AGBL1: variants seen among roughly 807,000 people sequenced by gnomAD.
The protein encoded by AGBL1 is cytosolic carboxypeptidase 4.
AGBL1 carries 130 observed loss-of-function variants against 118.9 expected under a neutral mutation model. The ratio of observed to expected loss-of-function variants is 1.09; its 90% CI spans 0.95 to 1.26. AGBL1 has a LOEUF of 1.26. Among genes scored for constraint, AGBL1 ranks in the 50% most tolerant of loss-of-function variants. The pLI is 0.00. For synonymous variants in AGBL1, 555 were observed against 478.9 expected (o/e 1.16, Z -2.08); for missense variants, 1,584 against 1,298.1 (o/e 1.22, Z -3.38).
At chr15:86,972,793 G>A (rs2081123320) in intron 23 of AGBL1, among the ~76,000 whole-genome samples, 1 of 151,904 alleles carries the variant, frequency 6.6e-6, no homozygotes, top group African/African-American at 2.4e-5. Context: ...CTAATCTATT[G>A]CAAGTCTGAT....
At chr15:86,646,204 T>C (rs964322327) in intron 21 of AGBL1, among the ~76,000 whole-genome samples, 27 of 152,332 alleles carry the variant, frequency 1.8e-4, no homozygotes, top group African/African-American at 5.5e-4. Context: ...AAGGGAATTA[T>C]CATGGTGTCA....
intron 3 of AGBL1, among the ~76,000 whole-genome samples, chr15:86,148,816 A>T (rs1174999006): frequency 6.6e-6 from 1 of 152,170 alleles, no homozygotes; most frequent in African/African-American, 2.4e-5. Flanking sequence ...ACCCCAAGAC[A>T]CATAATTGTC....
intron 1 of AGBL1, among the ~76,000 whole-genome samples, chr15:86,119,289 T>C (rs1897946759): frequency 6.6e-6 from 1 of 152,164 alleles, no homozygotes; most frequent in Non-Finnish European, 1.5e-5. Context: ...CTGAGTGAAC[T>C]GGAACCAGTG....
intron 17 of AGBL1, among the ~76,000 whole-genome samples, chr15:86,298,584 A>T (rs973391216): frequency 2.6e-5 from 4 of 152,034 alleles, no homozygotes; most frequent in Non-Finnish European, 4.4e-5. Flanking sequence ...CTGCAGCTCA[A>T]GATTCTCCTG....
chr15:86,655,824 A>G (rs1020095608), intron 21 of AGBL1, among the ~76,000 whole-genome samples: 4 of 152,220 alleles, frequency 2.6e-5, no homozygotes, highest in Non-Finnish European at 4.4e-5. Flanking sequence ...AGGGATAAAC[A>G]TTATGAGGAA....
chr15:86,266,926 C>A, intron 12 of AGBL1, 64 bp from the exon 13 acceptor site: 1 of 1,258,860 alleles, frequency 7.9e-7, no homozygotes, highest in Non-Finnish European at 1.1e-6. Flanking sequence ...AAAAAAGAAT[C>A]ATCACACTGT....
At chr15:86,734,468 T>G (rs965281759) in intron 22 of AGBL1, among the ~76,000 whole-genome samples, 5 of 151,986 alleles carry the variant, frequency 3.3e-5, no homozygotes, top group Admixed American at 2.6e-4. Context: ...AGGTGATGAA[T>G]AAAGAGATTT....
intron 17 of AGBL1, among the ~76,000 whole-genome samples, chr15:86,319,348 A>G (rs1397529952): frequency 3.3e-5 from 5 of 152,188 alleles, no homozygotes; most frequent in African/African-American, 9.6e-5. Context: ...TGCCAGTCCA[A>G]TGAGTATGTG....
At chr15:86,428,425 C>T (rs542327225) in intron 18 of AGBL1, among the ~76,000 whole-genome samples, 1 of 152,318 alleles carries the variant, frequency 6.6e-6, no homozygotes, top group East Asian at 1.9e-4. Context: ...TATTGATAGT[C>T]CTATTTTCCC....
intron 24 of AGBL1, among the ~76,000 whole-genome samples, chr15:87,016,842 A>G (rs2081611974): frequency 6.6e-6 from 1 of 152,202 alleles, no homozygotes; most frequent in South Asian, 2.1e-4. Context: ...CAGATCAGGG[A>G]TCCCCTTCTA....
chr15:86,472,934 A>G (rs1427711669), intron 18 of AGBL1, among the ~76,000 whole-genome samples: 1 of 152,212 alleles, frequency 6.6e-6, no homozygotes, highest in African/African-American at 2.4e-5. Flanking sequence ...AACAAAAAAC[A>G]GAACAATAAA....
At chr15:86,082,934 C>A (rs968075724) in intron 1 of AGBL1, among the ~76,000 whole-genome samples, 1 of 152,198 alleles carries the variant, frequency 6.6e-6, no homozygotes, top group Non-Finnish European at 1.5e-5. Context: ...GCTGTTTATC[C>A]TTATGAAAGT....
chr15:86,646,571 T>A (rs75247312), intron 21 of AGBL1, among the ~76,000 whole-genome samples: 5,755 of 152,258 alleles, frequency 0.038, 377 homozygotes, highest in African/African-American at 0.13. Flanking sequence ...TGCCCTGAGT[T>A]TGGGTTACAC....
intron 23 of AGBL1, among the ~76,000 whole-genome samples, chr15:86,984,207 T>G (rs1281097870): frequency 6.6e-6 from 1 of 152,182 alleles, no homozygotes; most frequent in Admixed American, 6.5e-5. Context: ...TGTTTTAATT[T>G]TAGCTACTAT....
chr15:86,514,849 C>T (rs1347778441), intron 18 of AGBL1, among the ~76,000 whole-genome samples: 4 of 152,060 alleles, frequency 2.6e-5, no homozygotes, highest in African/African-American at 4.8e-5. Context: ...CTTAGCTATG[C>T]TATTTTATCC....
intron 17 of AGBL1, among the ~76,000 whole-genome samples, chr15:86,364,958 C>CAT (rs72116454): frequency 0.19 from 14,282 of 75,710 alleles, 1,125 homozygotes; most frequent in Non-Finnish European, 0.26. Flanking sequence ...ATATGTCACA[C>CAT]ATATATATAT....
At chr15:86,243,097 G>A (rs2078664925) in intron 6 of AGBL1, among the ~76,000 whole-genome samples, 1 of 152,198 alleles carries the variant, frequency 6.6e-6, no homozygotes, top group African/African-American at 2.4e-5. Context: ...ACAACACTGT[G>A]TGGCTAATAG....
At chr15:86,475,091 G>A (rs531467711) in intron 18 of AGBL1, among the ~76,000 whole-genome samples, 1 of 152,232 alleles carries the variant, frequency 6.6e-6, no homozygotes, top group Admixed American at 6.5e-5. Flanking sequence ...CATCTTCAAA[G>A]ACCAAAGGCA....
intron 16 of AGBL1, among the ~76,000 whole-genome samples, chr15:86,294,082 A>T (rs914652566): frequency 1.3e-5 from 2 of 151,874 alleles, no homozygotes; most frequent in African/African-American, 4.8e-5. Flanking sequence ...ATTAGGGAAA[A>T]TTTCTTCGGA....
Sources: gnomAD v4.1 joint callset for allele counts (sites outside exome capture counted in the v4.1 genomes callset) on GRCh38, gnomAD v4.1.1 for gene constraint, MANE v1.5 for transcripts, NCBI Gene and HGNC (gene_info 2026-07-23, HGNC 2026-07-21) for gene names.